Variants in RDH10 observed in about 807,000 individuals in gnomAD.
The protein encoded by RDH10 is retinol dehydrogenase 10 (all-trans).
RDH10 carries 12 observed loss-of-function variants against 30.2 expected under a neutral mutation model. That is an observed-to-expected ratio of 0.40 (90% confidence interval 0.25 to 0.64). The LOEUF is 0.64. Ranked by LOEUF, RDH10 falls within the 30% of genes least tolerant of loss-of-function variation. RDH10 has a pLI of 0.43. For synonymous variants in RDH10, 189 were observed against 172.2 expected (o/e 1.10, Z -0.76); for missense variants, 268 against 445.2 (o/e 0.60, Z 3.58).
chr8:73,315,640 A>C (rs1296665723), intron 2 of RDH10: 1 of 453,462 alleles, frequency 2.2e-6, no homozygotes, highest in South Asian at 1.6e-5. Flanking sequence ...AATACAGGGA[A>C]GTCATTACAG....
Position 73,294,887 on chromosome 8 carries a change from G to A in RDH10, c.-403G>A. On this transcript the variant is annotated 5_prime_UTR_variant, in exon 1 of 6. Transcript: ENST00000240285. ...GCGCACCCCTCCCCCGGGGTGAGAG[G>A]GAGCCGGCGCGCCGGTTCCGGGGAC... 2.5e-6 allele frequency: 1 copy of A among 394,062 alleles called. No individual in the cohort carries two copies. Among genetic ancestry groups the A allele is most frequent in the Non-Finnish European group, 4.5e-6 (1 of 223,014 alleles). 24.4% of individuals were successfully genotyped at this position (394,062 alleles called of 1,614,324 possible).
Position 73,295,419 on chromosome 8 carries a change from G to T in RDH10, c.130G>T (p.Ala44Ser). Residue 44 changes from alanine (A) to serine (S), a missense_variant, in exon 1 of 6, where the codon GCC (alanine) becomes TCC (serine). By Grantham distance (99) the Ala-to-Ser change is moderately conservative. This residue lies in a region of RDH10 where 42 missense variants were observed against 77.6 expected (regional missense o/e 0.54). Transcript: ENST00000240285. Reference protein sequence around the residue: ...VAGQVCLITGAGSGLGRLFAL... With the variant: ...VAGQVCLITGSGSGLGRLFAL... ...GGGCCAGGTGTGCCTCATCACCGGC[G>T]CCGGCAGCGGCCTGGGCCGCCTCTT... 1 of 1,547,444 alleles carries T rather than the reference G, an allele frequency of 6.5e-7. No homozygotes were observed.
intron 2 of RDH10, among the ~76,000 whole-genome samples, chr8:73,307,752 A>AT (rs1814488212): frequency 6.6e-6 from 1 of 152,204 alleles, no homozygotes; most frequent in Admixed American, 6.5e-5. Flanking sequence ...CAGTAGGTAG[A>AT]TTTTCCTATG....
At chr8:73,301,603 C>A (rs567638320) in intron 2 of RDH10, among the ~76,000 whole-genome samples, 3 of 35,470 alleles carry the variant, frequency 8.5e-5, no homozygotes, top group East Asian at 1.9e-3. Context: ...ACTAAAAATA[C>A]AAAAAAAGTA....
intron 2 of RDH10, among the ~76,000 whole-genome samples, chr8:73,309,334 A>G (rs919991270): frequency 6.6e-6 from 1 of 152,130 alleles, no homozygotes; most frequent in African/African-American, 2.4e-5. Flanking sequence ...TCTCATGTAT[A>G]TTTGTTGTCC....
intron 2 of RDH10, among the ~76,000 whole-genome samples, chr8:73,318,675 A>T (rs1814716076): frequency 6.6e-6 from 1 of 152,250 alleles, no homozygotes; most frequent in South Asian, 2.1e-4. Flanking sequence ...GCACACATTA[A>T]TACAAGGCAA....
At chr8:73,304,531 G>A (rs1439453521) in intron 2 of RDH10, among the ~76,000 whole-genome samples, 1 of 152,098 alleles carries the variant, frequency 6.6e-6, no homozygotes, top group Admixed American at 6.5e-5. Flanking sequence ...TGCTCACAGC[G>A]TGAAGTCCAG....
At position 73,323,638 on chromosome 8, in the gene RDH10, TA is replaced by T. The variant is rs1685525684; in HGVS notation, c.*605del. The T allele has an allele frequency of 6.7e-6, 1 of 150,360 alleles. No homozygotes were observed. Among genetic ancestry groups the T allele is most frequent in the South Asian group, 2.1e-4 (1 of 4,742 alleles). 9.3% of individuals were successfully genotyped at this position (150,360 alleles called of 1,614,324 possible). On this transcript the variant is annotated 3_prime_UTR_variant, in exon 6 of 6. Coordinates refer to ENST00000240285, the MANE Select transcript of RDH10 (RefSeq NM_172037.5). Reference sequence around the variant, plus strand: ...GTCTCTTTCTTAAAGTCACAATGACTAAAGTATTAGTTGAATTTTTTTTTTT... The same window carrying T: ...GTCTCTTTCTTAAAGTCACAATGACTAAGTATTAGTTGAATTTTTTTTTTT...
intron 1 of RDH10, 162 bp from the exon 2 acceptor site, chr8:73,297,032 G>A: frequency 1.6e-6 from 1 of 610,582 alleles, no homozygotes. Context: ...GAAGGCAGCT[G>A]TAAAGCTCAG....
intron 2 of RDH10, among the ~76,000 whole-genome samples, chr8:73,314,019 G>A (rs78735678): frequency 0.014 from 2,157 of 152,270 alleles, 47 homozygotes; most frequent in African/African-American, 0.047. Context: ...TACCAAAGCC[G>A]TTTGGCTGTG....
chr8:73,298,002 C>G (rs985810194), intron 2 of RDH10: 1 of 157,252 alleles, frequency 6.4e-6, no homozygotes, highest in Non-Finnish European at 1.4e-5. Context: ...CTAATAGGAC[C>G]CTAGAGAGGG....
At chr8:73,296,778 T>C (rs1462825940) in intron 1 of RDH10, among the ~76,000 whole-genome samples, 1 of 152,174 alleles carries the variant, frequency 6.6e-6, no homozygotes, top group African/African-American at 2.4e-5. Context: ...ATTTTGAGGG[T>C]TCTCATACTA....
At position 73,304,685 on chromosome 8, in the gene RDH10, A is replaced by G. The variant is rs568911715; in HGVS notation, c.525+7256A>G. 9.9e-5 allele frequency among the ~76,000 whole-genome samples: 15 copies of G among 152,216 alleles called. No homozygotes were observed. The South Asian group carries it at 3.1e-3, about 32-fold the overall frequency. On this transcript the variant is annotated intron_variant, in intron 2 of 5. Transcript: ENST00000240285. ...CCTGGAGAGAGCCTTGCACACACTT[A>G]TGCTTCACACAAGAGCCTCTGCTTG...
Position 73,301,272 on chromosome 8 carries a change from G to A in RDH10, c.525+3843G>A, listed in dbSNP as rs1289551353. Among the ~76,000 whole-genome samples the A allele has an allele frequency of 2.7e-5, 4 of 149,290 alleles. No homozygotes were observed. In the South Asian group the frequency reaches 6.3e-4, roughly 24 times the overall value. On this transcript the variant is annotated intron_variant, in intron 2 of 5. Transcript: ENST00000240285. ...TCACCGTGTTAGCCAGGATGGTCTC[G>A]ATCTCCTGACCTCGTGATCCGCCCG... is the stretch of plus-strand genomic sequence containing the variant.
intron 2 of RDH10, among the ~76,000 whole-genome samples, chr8:73,309,794 T>C (rs1171558287): frequency 6.6e-6 from 1 of 152,140 alleles, no homozygotes; most frequent in Non-Finnish European, 1.5e-5. Flanking sequence ...CCAGGAAACA[T>C]TGGTAACATC....
intron 2 of RDH10, among the ~76,000 whole-genome samples, chr8:73,315,932 A>G (rs1007984954): frequency 6.6e-6 from 1 of 152,232 alleles, no homozygotes; most frequent in African/African-American, 2.4e-5. Context: ...CGTCAATAAT[A>G]TGTTTTATAC....
rs1325274930 is a variant in RDH10, at chr8:73,324,969, G to A, written c.*1933G>A. On this transcript the variant is annotated 3_prime_UTR_variant, in exon 6 of 6. Coordinates refer to ENST00000240285, the MANE Select transcript of RDH10 (RefSeq NM_172037.5). Reference sequence around the variant, plus strand: ...ACCTTATGGCCCTTATAACAATGGAGGCACTGGCTGCCTCTTAATTTTCAA... The same window carrying A: ...ACCTTATGGCCCTTATAACAATGGAAGCACTGGCTGCCTCTTAATTTTCAA... The A allele has an allele frequency of 6.6e-6, 1 of 152,136 alleles. No individual in the cohort carries two copies. The highest frequency in any genetic ancestry group is 1.5e-5 in the Non-Finnish European group (1 of 68,034). The allele number at this position is 152,136 out of a possible 1,614,324, so 9.4% of individuals were successfully genotyped here. A position where few individuals can be genotyped will look rare whatever the true frequency, so the allele number is the denominator to read the frequency against.
intron 2 of RDH10, chr8:73,312,499 A>C (rs1436965335): frequency 6.6e-6 from 1 of 152,216 alleles, no homozygotes; most frequent in Non-Finnish European, 1.5e-5. Flanking sequence ...CTCAGAGAAG[A>C]GCGCCACCAG....
At chr8:73,321,962 A>ATG (rs1563553001) in intron 4 of RDH10, 2 of 456,080 alleles carry the variant, frequency 4.4e-6, no homozygotes, top group Admixed American at 2.3e-5. Context: ...CTGTGTGAAC[A>ATG]TGTGTGTGTG....
Sources: allele counts gnomAD v4.1 joint callset (sites outside exome capture counted in the v4.1 genomes callset), GRCh38; gene constraint gnomAD v4.1.1; regional missense constraint gnomAD v4.1.1; transcripts MANE v1.5; gene names NCBI Gene and HGNC (gene_info 2026-07-23, HGNC 2026-07-21).